HGSNAT: variants seen among roughly 807,000 people sequenced by gnomAD.
HGSNAT encodes transmembrane protein 76.
In HGSNAT, 59 loss-of-function variants were observed where a neutral mutation model predicts 85.2. The ratio of observed to expected loss-of-function variants is 0.69; its 90% CI spans 0.56 to 0.86. HGSNAT has a LOEUF of 0.86. Ranked by LOEUF, HGSNAT falls within the 40% of genes least tolerant of loss-of-function variation. HGSNAT has a pLI of 0.00. For missense variants in HGSNAT, 756 were observed against 777.1 expected (o/e 0.97, Z 0.32); for synonymous variants, 321 against 304.5 (o/e 1.05, Z -0.56).
At chr8:43,186,936 A>G (rs1293380636) in intron 11 of HGSNAT, among the ~76,000 whole-genome samples, 1 of 152,120 alleles carries the variant, frequency 6.6e-6, no homozygotes, top group African/African-American at 2.4e-5. Flanking sequence ...TTCAGTTTCC[A>G]TGTAGTTGAG....
At position 43,149,118 on chromosome 8, in the gene HGSNAT, A is replaced by AAAATAAATAAAT. The variant is rs57240507; in HGVS notation, c.234+2075_234+2086dup. On this transcript the variant is annotated intron_variant, in intron 2 of 17. Coordinates refer to ENST00000379644, the MANE Select transcript of HGSNAT (RefSeq NM_152419.3). ...GCATCAGAGCGAGACTCTGTCTCAA[A>AAAATAAATAAAT]AAATAAATAAATAAATAAATAAATA... is the stretch of plus-strand genomic sequence containing the variant. Among the ~76,000 whole-genome samples, 879 of 146,676 alleles carry AAAATAAATAAAT rather than the reference A, an allele frequency of 6.0e-3. 7 individuals carry two copies. The highest frequency in any genetic ancestry group is 0.017 in the African/African-American group (697 of 40,038).
Position 43,202,599 on chromosome 8 carries a change from T to A in HGSNAT, c.*3030T>A, listed in dbSNP as rs1804951371. On this transcript the variant is annotated 3_prime_UTR_variant, in exon 18 of 18. Transcript: ENST00000379644. ...TAGAATGGGGAGAGAAAATGTGACA[T>A]TTTAATTTTTTTTTGCATTTATATT... The A allele has an allele frequency of 6.6e-6, 1 of 152,134 alleles. No individual in the cohort carries two copies. 9.4% of individuals were successfully genotyped at this position (152,134 alleles called of 1,614,324 possible).
intron 1 of HGSNAT, among the ~76,000 whole-genome samples, 164 bp from the exon 2 acceptor site, chr8:43,146,784 T>G (rs974959768): frequency 6.2e-5 from 9 of 145,956 alleles, no homozygotes; most frequent in African/African-American, 2.5e-4. Context: ...CGCACATATA[T>G]CTGCGCATAC....
At chr8:43,180,676 T>A in intron 10 of HGSNAT, 1 of 297,440 alleles carries the variant, frequency 3.4e-6, no homozygotes, top group South Asian at 2.5e-5. Context: ...GAGACGCTCC[T>A]CACTTCCCAG....
chr8:43,167,904 A>T, intron 5 of HGSNAT: 1 of 272,742 alleles, frequency 3.7e-6, no homozygotes, highest in East Asian at 1.4e-4. Flanking sequence ...TTATCTGGAT[A>T]TCTTTCTTTT....
chr8:43,194,483 A>C (rs1209011691), intron 14 of HGSNAT: 74 of 985,308 alleles, frequency 7.5e-5, no homozygotes, highest in Non-Finnish European at 8.7e-5. Flanking sequence ...CATTTGTCAC[A>C]CTTCTTTCAT....
At chr8:43,186,237 G>A (rs1345099887) in intron 11 of HGSNAT, among the ~76,000 whole-genome samples, 1 of 152,082 alleles carries the variant, frequency 6.6e-6, no homozygotes, top group Non-Finnish European at 1.5e-5. Context: ...TTGTACCTCT[G>A]GTAGAATTTG....
At chr8:43,182,719 T>C (rs1804173627) in intron 11 of HGSNAT, among the ~76,000 whole-genome samples, 1 of 152,166 alleles carries the variant, frequency 6.6e-6, no homozygotes, top group Non-Finnish European at 1.5e-5. Context: ...TTGCTGGGAT[T>C]ACAGGTGTGA....
At chr8:43,178,881 A>T (rs1257771544) in intron 10 of HGSNAT, among the ~76,000 whole-genome samples, 1 of 147,832 alleles carries the variant, frequency 6.8e-6, no homozygotes, top group Non-Finnish European at 1.5e-5. Flanking sequence ...TAATCCATTT[A>T]ACCCTGAGTG....
At chr8:43,142,972 T>G (rs901562023) in intron 1 of HGSNAT, among the ~76,000 whole-genome samples, 2 of 152,206 alleles carry the variant, frequency 1.3e-5, no homozygotes, top group African/African-American at 4.8e-5. Flanking sequence ...GAAAAGCTCA[T>G]GGCTTCATGG....
intron 1 of HGSNAT, 37 bp from the exon 2 acceptor site, chr8:43,146,909 CTT>C (rs375505816): frequency 0.034 from 33,857 of 989,890 alleles, no homozygotes; most frequent in South Asian, 0.04. Flanking sequence ...TTTCGGGTGC[CTT>C]TTTTTTTTTT....
intron 11 of HGSNAT, among the ~76,000 whole-genome samples, chr8:43,182,906 A>G (rs1804180506): frequency 6.6e-6 from 1 of 152,206 alleles, no homozygotes; most frequent in Non-Finnish European, 1.5e-5. Flanking sequence ...TTATTATAAA[A>G]TACACGACAT....
At chr8:43,197,106 C>A in intron 15 of HGSNAT, 81 bp downstream of exon 15, 1 of 928,566 alleles carries the variant, frequency 1.1e-6, no homozygotes, top group Non-Finnish European at 1.7e-6. Flanking sequence ...TTTAGCAACA[C>A]TGAGCTAGCC....
chr8:43,197,612 A>G (rs1362692023), intron 15 of HGSNAT, 60 bp from the exon 16 acceptor site: 2 of 1,272,820 alleles, frequency 1.6e-6, no homozygotes, highest in East Asian at 2.3e-5. Context: ...TGGTGTTGAA[A>G]CCAAGTGTTT....
chr8:43,141,111 G>A (rs1305923814), intron 1 of HGSNAT, among the ~76,000 whole-genome samples: 3 of 152,226 alleles, frequency 2.0e-5, no homozygotes, highest in African/African-American at 7.2e-5. Flanking sequence ...TGGCTTCAGC[G>A]GGTGGGAAGC....
intron 2 of HGSNAT, among the ~76,000 whole-genome samples, chr8:43,154,771 A>AT (rs1255445761): frequency 1.3e-5 from 2 of 152,166 alleles, no homozygotes; most frequent in Non-Finnish European, 2.9e-5. Flanking sequence ...CGCCACACCG[A>AT]CTTCCACAGT....
intron 11 of HGSNAT, 127 bp downstream of exon 11, chr8:43,182,387 C>T: frequency 2.5e-6 from 2 of 809,992 alleles, no homozygotes; most frequent in Non-Finnish European, 4.3e-6. Context: ...ATCCTCCTGC[C>T]TTGGCCACCC....
rs1220771600 is a variant in HGSNAT at position 43,146,955 on chromosome 8, C to CA, written c.133dup (p.Arg45LysfsTer16). 6.4e-7 allele frequency: 1 copy of CA among 1,559,712 alleles called. No individual in the cohort carries two copies. On this transcript the variant is annotated frameshift_variant, in exon 2 of 18. Coordinates refer to ENST00000379644, the MANE Select transcript of HGSNAT (RefSeq NM_152419.3). LOFTEE classifies it high-confidence loss of function. ...TTTCCTAATTTCTACCAGACTTAGA[C>CA]AAAAAAAGACATGCAGAGCTGAAGA...
intron 17 of HGSNAT, 140 bp downstream of exon 17, chr8:43,198,092 C>A: frequency 1.6e-6 from 1 of 624,908 alleles, no homozygotes; most frequent in Non-Finnish European, 2.8e-6. Flanking sequence ...AGGGAGGAAG[C>A]AGCAGGGCCC....
Sources: gnomAD v4.1 joint callset for allele counts (sites outside exome capture counted in the v4.1 genomes callset) on GRCh38, gnomAD v4.1.1 for gene constraint, MANE v1.5 for transcripts, NCBI Gene and HGNC (gene_info 2026-07-23, HGNC 2026-07-21) for gene names.